Variants in ANKRD28 observed in about 807,000 individuals in gnomAD.
ANKRD28 encodes serine/threonine-protein phosphatase 6 regulatory ankyrin repeat subunit A.
In ANKRD28, 44 loss-of-function variants were observed where a neutral mutation model predicts 126.5. That is an observed-to-expected ratio of 0.35 (90% CI 0.27 to 0.45). The LOEUF (loss-of-function observed/expected upper bound fraction) is 0.45. ANKRD28 is among the 20% of genes least tolerant of loss of function. The pLI is 1.00. For synonymous variants in ANKRD28, 442 were observed against 468.5 expected, an observed-to-expected ratio of 0.94 and a Z score of 0.73; for missense variants, 1,110 against 1,316.6, an observed-to-expected ratio of 0.84 and a Z score of 2.43.
rs138515072 is a variant in ANKRD28 at position 15,818,442 on chromosome 3, G to A, written c.28-23136C>T. On this transcript the variant is annotated intron_variant, in intron 1 of 27. Coordinates refer to the ANKRD28 transcript ENST00000399451. ...GATGTATATGAAACAAATGAATTTC[G>A]TGTTTAGACTTGGGTCCCATCTCCA... is the stretch of plus-strand genomic sequence containing the variant. 4.4e-3 allele frequency among the ~76,000 whole-genome samples: 667 copies of A among 152,280 alleles called. 5 individuals carry two copies. The highest frequency in any genetic ancestry group is 0.019 in the East Asian group (101 of 5,188).
At position 15,843,303 on chromosome 3, in the gene ANKRD28, GC is replaced by G. The variant is rs1298767366; in HGVS notation, c.27+16073del. Among the ~76,000 whole-genome samples, 1 of 152,048 alleles carries G rather than the reference GC, an allele frequency of 6.6e-6. No homozygotes were observed. Among genetic ancestry groups the G allele is most frequent in the Non-Finnish European group, 1.5e-5 (1 of 68,008 alleles). The stretch of plus-strand genomic sequence containing the variant: ...GTGCTAAGCCATTCATGAGAAATCT[GC>G]CCCCATGATCCAATCACCTCTCACC... On this transcript the variant is annotated intron_variant, in intron 1 of 27. Coordinates refer to the ANKRD28 transcript ENST00000399451. This position sits in a 1 kb window ranked among gnomAD's most constrained non-coding sequence, Gnocchi z 5.2.
intron 1 of ANKRD28, among the ~76,000 whole-genome samples, chr3:15,848,959 G>T (rs1203951545): frequency 6.6e-6 from 1 of 152,070 alleles, no homozygotes; most frequent in Non-Finnish European, 1.5e-5. Context: ...CACTAAAAAA[G>T]TATTAGTGCT....
intron 1 of ANKRD28, among the ~76,000 whole-genome samples, chr3:15,831,669 A>C (rs1217303503): frequency 1.3e-5 from 2 of 152,220 alleles, no homozygotes; most frequent in African/African-American, 4.8e-5. Flanking sequence ...AAGGGAATAA[A>C]TTCACTTTTA....
chr3:15,859,424 C>G, exon 1 of ANKRD28: 1 of 1,518,464 alleles, frequency 6.6e-7, no homozygotes. Context: ...TCCGCGCCCA[C>G]TCCAGCCTCC....
intron 3 of ANKRD28, among the ~76,000 whole-genome samples, chr3:15,757,417 C>T (rs1480950576): frequency 2.0e-5 from 3 of 152,118 alleles, no homozygotes; most frequent in Non-Finnish European, 1.5e-5. Context: ...ACGTTCTATC[C>T]TATTTTGGAA....
At chr3:15,763,652 G>A (rs551160661) in intron 3 of ANKRD28, among the ~76,000 whole-genome samples, 2 of 152,104 alleles carry the variant, frequency 1.3e-5, no homozygotes, top group Non-Finnish European at 2.9e-5. Context: ...TGGTGTAAGC[G>A]GCTGAAGAAG....
intron 21 of ANKRD28, chr3:15,684,715 T>TAA (rs1334231457): frequency 1.5e-5 from 2 of 130,308 alleles, no homozygotes; most frequent in African/African-American, 2.9e-5. Context: ...GTGGGACTCT[T>TAA]AAAAAAAAAA....
At position 15,686,100 on chromosome 3, in the gene ANKRD28, C is replaced by G; in HGVS notation, c.2071G>C (p.Val691Leu). Residue 691 changes from valine to leucine, a missense_variant, in exon 20 of 28, where the codon GTT (valine) becomes CTT (leucine). Val to Leu is a conservative substitution (Grantham distance 32). Transcript: ENST00000683139. ...ACACAGTCTGTGTGCCCGTTGAGAACAGATAGCATCAGAGGCGTCCTGAGC... is the reference window on the plus strand; with the variant it reads ...ACACAGTCTGTGTGCCCGTTGAGAAGAGATAGCATCAGAGGCGTCCTGAGC... ...GNGQTPLMLS[V>L]LNGHTDCVYS... is the part of the protein sequence containing the mutation. 1 of 1,613,190 alleles carries G rather than the reference C, an allele frequency of 6.2e-7. No individual in the cohort carries two copies. The highest frequency in any genetic ancestry group is 8.5e-7 in the Non-Finnish European group (1 of 1,179,570).
At chr3:15,701,579 G>C (rs1476340505) in intron 14 of ANKRD28, among the ~76,000 whole-genome samples, 2 of 152,048 alleles carry the variant, frequency 1.3e-5, no homozygotes, top group Admixed American at 1.3e-4. Flanking sequence ...AGGAGGCGGA[G>C]GTTGCAGTAA....
chr3:15,794,352 G>A (rs1222076450), intron 2 of ANKRD28, among the ~76,000 whole-genome samples: 1 of 151,598 alleles, frequency 6.6e-6, no homozygotes, highest in Non-Finnish European at 1.5e-5. Context: ...GGAAAGATGA[G>A]AGTTAAAAAT....
At chr3:15,678,888 T>TA (rs1376571866) in intron 23 of ANKRD28, among the ~76,000 whole-genome samples, 2 of 152,226 alleles carry the variant, frequency 1.3e-5, no homozygotes, top group African/African-American at 4.8e-5. Context: ...CTCGCAAATA[T>TA]AAAAATCAAC....
intron 6 of ANKRD28, among the ~76,000 whole-genome samples, chr3:15,727,431 G>A (rs2074250028): frequency 6.6e-6 from 1 of 151,960 alleles, no homozygotes; most frequent in Admixed American, 6.6e-5. Context: ...GCCAGGTGTG[G>A]TGGCGGGTGC....
chr3:15,806,279 G>A (rs1166548696), intron 1 of ANKRD28, among the ~76,000 whole-genome samples: 2 of 152,142 alleles, frequency 1.3e-5, no homozygotes, highest in African/African-American at 4.8e-5. Context: ...TCTTAAATGG[G>A]AAGAAGAGGC....
chr3:15,685,363 G>A lies in ANKRD28; in HGVS notation c.2252C>T (p.Thr751Met), dbSNP rs758981755. 1.2e-5 allele frequency: 19 copies of A among 1,613,878 alleles called. No individual in the cohort carries two copies. Among genetic ancestry groups the A allele is most frequent in the Admixed American group, 1.0e-4 (6 of 60,008 alleles). The change falls in exon 21 of 28, where the codon ACG becomes ATG. Residue 751 changes from threonine (T) to methionine (M), a missense_variant. By Grantham distance (81) the Thr-to-Met change is moderately conservative. Transcript: ENST00000683139. ...KCLLRDSRGR[T>M]PIHLSAACGH... ...ACAGGCAGCAGACAGGTGTATAGGC[G>A]TCCGGCCCCTGCTATCCCGAAGTAA... is the stretch of plus-strand genomic sequence containing the variant.
In ANKRD28 at chr3:15,685,382, G is replaced by T; in HGVS notation, c.2233C>A (p.Arg745=). 2 of 1,613,948 alleles carry T rather than the reference G, an allele frequency of 1.2e-6. No individual in the cohort carries two copies. The highest frequency in any genetic ancestry group is 1.7e-6 in the Non-Finnish European group (2 of 1,179,866). ...ATAGGCGTCCGGCCCCTGCTATCCC[G>T]AAGTAAGCACTTAGCACCATGTTGA... is the stretch of plus-strand genomic sequence containing the variant. ...LLQHGAKCLL[R]DSRGRTPIHL... is the part of the protein sequence containing the mutation. The change falls in exon 21 of 28, where the codon CGG becomes AGG. Residue 745 remains arginine, a synonymous_variant. Coordinates refer to ENST00000683139, the MANE Select transcript of ANKRD28 (RefSeq NM_001349278.2).
At chr3:15,745,343 T>C (rs1425994084) in intron 4 of ANKRD28, among the ~76,000 whole-genome samples, 1 of 152,200 alleles carries the variant, frequency 6.6e-6, no homozygotes, top group Non-Finnish European at 1.5e-5. Flanking sequence ...TCTCTATGGT[T>C]TCAGGTCTTA....
chr3:15,777,343 A>G (rs1251184756), intron 2 of ANKRD28, among the ~76,000 whole-genome samples: 2 of 152,004 alleles, frequency 1.3e-5, no homozygotes, highest in Non-Finnish European at 2.9e-5. Context: ...TCCTTTATCT[A>G]CCCATGCCCC....
At chr3:15,702,718 AAGGACC>A (rs2070789761) in intron 14 of ANKRD28, among the ~76,000 whole-genome samples, 1 of 152,116 alleles carries the variant, frequency 6.6e-6, no homozygotes, top group Non-Finnish European at 1.5e-5. Context: ...AGCCCTGGGT[AAGGACC>A]ACTCAGCCAG....
chr3:15,681,450 A>G (rs2067537680), intron 21 of ANKRD28, among the ~76,000 whole-genome samples: 1 of 152,218 alleles, frequency 6.6e-6, no homozygotes, highest in Non-Finnish European at 1.5e-5. Flanking sequence ...CTAATTCCAG[A>G]GCCAGGGTTT....
Sources: allele counts gnomAD v4.1 joint callset (sites outside exome capture counted in the v4.1 genomes callset), GRCh38; gene constraint gnomAD v4.1.1; non-coding constraint Gnocchi (gnomAD v3.1); transcripts MANE v1.5; gene names NCBI Gene and HGNC (gene_info 2026-07-23, HGNC 2026-07-21).